Variants in GNAO1 observed in about 807,000 individuals in gnomAD.
GNAO1 encodes guanine nucleotide-binding protein G(o) subunit alpha.
For missense variants in GNAO1, 166 were observed against 478.7 expected (o/e 0.35, Z 6.10); for synonymous variants, 164 against 180.7 (o/e 0.91, Z 0.74).
At chr16:56,323,420 G>C (rs896211519) in intron 3 of GNAO1, among the ~76,000 whole-genome samples, 2 of 152,174 alleles carry the variant, frequency 1.3e-5, no homozygotes, top group African/African-American at 2.4e-5. Context: ...TCTGATCCTT[G>C]ACCTAGGCTG....
At chr16:56,336,139 G>A (rs1472424208) in intron 5 of GNAO1, among the ~76,000 whole-genome samples, 1 of 152,200 alleles carries the variant, frequency 6.6e-6, no homozygotes, top group Non-Finnish European at 1.5e-5. Context: ...CGGGAGTAGA[G>A]TCTGAGAGGG....
chr16:56,333,185 C>G (rs2037706992), intron 4 of GNAO1, among the ~76,000 whole-genome samples: 1 of 151,868 alleles, frequency 6.6e-6, no homozygotes, highest in African/African-American at 2.4e-5. Flanking sequence ...GGCTGGAATC[C>G]CAGCCAAGTG....
intron 6 of GNAO1, among the ~76,000 whole-genome samples, chr16:56,339,055 A>T (rs1426021229): frequency 1.3e-5 from 2 of 152,252 alleles, no homozygotes; most frequent in Non-Finnish European, 2.9e-5. Flanking sequence ...GGGGAAGAGT[A>T]GCAGCTCGTG....
chr16:56,225,137 CA>C (rs2036522948), intron 2 of GNAO1, among the ~76,000 whole-genome samples: 1 of 152,208 alleles, frequency 6.6e-6, no homozygotes, highest in African/African-American at 2.4e-5. Context: ...CAGGAAAAGC[CA>C]TTATATCTCT....
At chr16:56,232,472 A>C (rs751422548) in intron 2 of GNAO1, among the ~76,000 whole-genome samples, 1 of 152,224 alleles carries the variant, frequency 6.6e-6, no homozygotes, top group Non-Finnish European at 1.5e-5. Context: ...GCCTGCTACA[A>C]AAACTCTTGG....
intron 3 of GNAO1, among the ~76,000 whole-genome samples, chr16:56,278,568 G>T (rs199620492): frequency 6.6e-6 from 1 of 152,170 alleles, no homozygotes; most frequent in African/African-American, 2.4e-5. Flanking sequence ...CTGCTGGTGT[G>T]GGGGCAGCTC....
intron 6 of GNAO1, among the ~76,000 whole-genome samples, chr16:56,337,621 A>G (rs544062648): frequency 6.6e-6 from 1 of 152,324 alleles, no homozygotes; most frequent in South Asian, 2.1e-4. Flanking sequence ...TGGCTCAGTT[A>G]CTATTTTCCA....
chr16:56,310,186 G>A (rs1017704235), intron 3 of GNAO1, among the ~76,000 whole-genome samples: 7 of 152,000 alleles, frequency 4.6e-5, no homozygotes, highest in Admixed American at 3.9e-4. Flanking sequence ...AAATCAGCAG[G>A]ACATTGTGGT....
rs562319674 is a variant in GNAO1 at position 56,328,905 on chromosome 16, C to T, written c.464+114C>T. 7.4e-4 allele frequency: 763 copies of T among 1,027,886 alleles called. 1 individual carries two copies. Among genetic ancestry groups the T allele is most frequent in the Middle Eastern group, 1.5e-3 (6 of 3,920 alleles). 63.7% of individuals were successfully genotyped at this position (1,027,886 alleles called of 1,614,324 possible). A position where few individuals can be genotyped will look rare whatever the true frequency, so the allele number is the denominator to read the frequency against. ...GATTCTCGGCTGAGGTCACGCCTGC[C>T]GGGAGATGTTCTCCCATAGGTAGAG... On this transcript the variant is annotated intron_variant, in intron 4 of 8. Coordinates refer to ENST00000262493, the MANE Select transcript of GNAO1 (RefSeq NM_020988.3).
rs534505388 is a variant in GNAO1, at chr16:56,334,860, G to A, written c.593+3G>A. ...ACATTCAAGAACCTCCACTTCAGGT[G>A]AGGCCCAGAGAGGCCCCCAGGCCCT... On this transcript the variant is annotated splice_donor_region_variant and intron_variant, in intron 5 of 8. Coordinates refer to ENST00000262493, the MANE Select transcript of GNAO1 (RefSeq NM_020988.3). The A allele has an allele frequency of 2.5e-6, 4 of 1,613,828 alleles. No individual in the cohort carries two copies. Among genetic ancestry groups the A allele is most frequent in the African/African-American group, 2.7e-5 (2 of 75,064 alleles).
At chr16:56,312,970 A>G (rs2037474650) in intron 3 of GNAO1, among the ~76,000 whole-genome samples, 1 of 152,248 alleles carries the variant, frequency 6.6e-6, no homozygotes, top group African/African-American at 2.4e-5. Context: ...GTCAACAAAG[A>G]GAGCAAGGCC....
intron 6 of GNAO1, among the ~76,000 whole-genome samples, chr16:56,342,781 T>A (rs979601193): frequency 1.1e-4 from 16 of 152,228 alleles, no homozygotes; most frequent in African/African-American, 2.9e-4. Context: ...CAAACTTCCT[T>A]GCTCATGACC....
chr16:56,230,174 T>A (rs1469337367), intron 2 of GNAO1, among the ~76,000 whole-genome samples: 1 of 151,088 alleles, frequency 6.6e-6, no homozygotes, highest in African/African-American at 2.4e-5. Flanking sequence ...ACTGCGGGAG[T>A]GGCATGCTTC....
chr16:56,295,097 G>C lies in GNAO1; in HGVS notation c.303+19025G>C, dbSNP rs575050857. Among the ~76,000 whole-genome samples, 3 of 152,268 alleles carry C rather than the reference G, an allele frequency of 2.0e-5. 1 individual carries two copies. Among genetic ancestry groups the C allele is most frequent in the South Asian group, 4.1e-4 (2 of 4,822 alleles). On this transcript the variant is annotated intron_variant, in intron 3 of 8. Transcript: ENST00000262493. ...AATTAGCATTTTTAAATGGTAAATG[G>C]TTTGTTTAATGAATGTTGATTTGTC...
intron 2 of GNAO1, among the ~76,000 whole-genome samples, chr16:56,214,582 T>C (rs1169622072): frequency 1.3e-5 from 2 of 152,174 alleles, no homozygotes; most frequent in Non-Finnish European, 2.9e-5. Context: ...AAAAAGACAC[T>C]AAAAATCATG....
intron 3 of GNAO1, among the ~76,000 whole-genome samples, chr16:56,316,523 G>C (rs1475960390): frequency 6.6e-6 from 1 of 152,138 alleles, no homozygotes; most frequent in African/African-American, 2.4e-5. Flanking sequence ...CAGAGCATCT[G>C]GTGCCTCCAG....
chr16:56,286,888 T>C (rs887247878), intron 3 of GNAO1, among the ~76,000 whole-genome samples: 1 of 152,130 alleles, frequency 6.6e-6, no homozygotes, highest in African/African-American at 2.4e-5. Context: ...TAGGAGGAAA[T>C]GGGTGCTGGG....
chr16:56,310,748 C>G (rs2037449291), intron 3 of GNAO1, among the ~76,000 whole-genome samples: 1 of 152,108 alleles, frequency 6.6e-6, no homozygotes, highest in Non-Finnish European at 1.5e-5. Context: ...GCTGCTATAA[C>G]AAATACACCC....
intron 2 of GNAO1, among the ~76,000 whole-genome samples, chr16:56,257,147 G>A (rs1000156689): frequency 6.6e-6 from 1 of 152,098 alleles, no homozygotes; most frequent in African/African-American, 2.4e-5. Context: ...ATTTTCTGTG[G>A]TGGGGAAGGC....
Sources: allele counts gnomAD v4.1 joint callset (sites outside exome capture counted in the v4.1 genomes callset), GRCh38; gene constraint gnomAD v4.1.1; transcripts MANE v1.5; gene names NCBI Gene and HGNC (gene_info 2026-07-23, HGNC 2026-07-21).